The following PTPRN2 variants were observed in gnomAD, a reference collection of about 807,000 sequenced individuals.
PTPRN2 encodes receptor-type tyrosine-protein phosphatase N2.
In PTPRN2, 74 loss-of-function variants were observed where a neutral mutation model predicts 118.8. The observed-to-expected ratio is 0.62, with a 90% CI of 0.52 to 0.76. The LOEUF (loss-of-function observed/expected upper bound fraction) is 0.76, where lower values mean the gene tolerates loss of function less well. PTPRN2 is among the 30% of genes least tolerant of loss of function. The pLI is 0.00. For missense variants in PTPRN2, 1,481 were observed against 1,394.4 expected, an observed-to-expected ratio of 1.06 and a Z score of -0.99; for synonymous variants, 641 against 608.0, an observed-to-expected ratio of 1.05 and a Z score of -0.80.
chr7:157,608,770 C>G (rs1178077493), intron 15 of PTPRN2, among the ~76,000 whole-genome samples: 1 of 152,126 alleles, frequency 6.6e-6, no homozygotes, highest in Non-Finnish European at 1.5e-5. Flanking sequence ...GGCCTGTGCT[C>G]GGGGAACTGA....
At chr7:158,026,873 A>G (rs570998841) in intron 11 of PTPRN2, among the ~76,000 whole-genome samples, 1 of 152,350 alleles carries the variant, frequency 6.6e-6, no homozygotes, top group East Asian at 1.9e-4. Context: ...GCGTGAACAC[A>G]GGACACACAG....
chr7:157,910,885 G>A (rs190051216), intron 11 of PTPRN2, among the ~76,000 whole-genome samples: 14 of 152,338 alleles, frequency 9.2e-5, no homozygotes, highest in Non-Finnish European at 1.5e-5. Flanking sequence ...CCCAATGTTT[G>A]GATGTTTAAT....
In PTPRN2 at chr7:158,103,404, G is replaced by A. The variant is rs574669061; in HGVS notation, c.1643+7425C>T. Reference sequence around the variant, plus strand: ...ATAACAGCAGTAGGAAAAAGAACGCGAAGAGCCCTGCACACAGGTGAGACT... The same window carrying A: ...ATAACAGCAGTAGGAAAAAGAACGCAAAGAGCCCTGCACACAGGTGAGACT... On this transcript the variant is annotated intron_variant, in intron 10 of 22. Coordinates refer to ENST00000389418, the MANE Select transcript of PTPRN2 (RefSeq NM_002847.5). 1.1e-4 allele frequency among the ~76,000 whole-genome samples: 16 copies of A among 152,288 alleles called. No homozygotes were observed. The South Asian group carries it at 1.5e-3, about 14-fold the overall frequency.
chr7:158,133,614 C>T (rs1424363870), intron 9 of PTPRN2, 63 bp downstream of exon 9: 14 of 1,507,258 alleles, frequency 9.3e-6, no homozygotes, highest in Non-Finnish European at 1.2e-5. Flanking sequence ...GGCGCCCCAC[C>T]TCCAGCCTGC....
rs1471184311 is a variant in PTPRN2, at chr7:158,407,501, CGTCCTGG to C, written c.163+82227_163+82233del. Among the ~76,000 whole-genome samples, 18 of 6,298 alleles carry C rather than the reference CGTCCTGG, an allele frequency of 2.9e-3. 8 individuals are homozygous for C. The highest frequency in any genetic ancestry group is 6.3e-3 in the Admixed American group (5 of 788). The allele number at this position is 6,298 out of a possible 152,430, so 4.1% of individuals were successfully genotyped here. ...CCTGGGTCCTGGGTCCTGGGTCCTG[CGTCCTGG>C]GTCCTGCGTCCTGCGTCCTGCGTCC... On this transcript the variant is annotated intron_variant, in intron 2 of 22. Transcript: ENST00000389418.
chr7:158,469,301 G>T (rs903915008), intron 2 of PTPRN2, among the ~76,000 whole-genome samples: 1 of 152,118 alleles, frequency 6.6e-6, no homozygotes, highest in Admixed American at 6.5e-5. Flanking sequence ...ATGAGCCAGT[G>T]GTGGTGGCAG....
At chr7:157,568,839 C>A in intron 21 of PTPRN2, 63 bp downstream of exon 21, 1 of 1,488,174 alleles carries the variant, frequency 6.7e-7, no homozygotes, top group Non-Finnish European at 9.4e-7. Context: ...CGGCACCCTA[C>A]GTTGCCATAG....
chr7:158,387,324 T>C (rs1811477881), intron 2 of PTPRN2, among the ~76,000 whole-genome samples: 2 of 152,076 alleles, frequency 1.3e-5, no homozygotes, highest in Non-Finnish European at 2.9e-5. Flanking sequence ...GCCAAATAGG[T>C]CAGGGAGGGC....
chr7:158,425,144 G>A (rs1162586219), intron 2 of PTPRN2, among the ~76,000 whole-genome samples: 1 of 152,280 alleles, frequency 6.6e-6, no homozygotes, highest in African/African-American at 2.4e-5. Context: ...TCCTGCTGAT[G>A]CACTGCCAGG....
chr7:157,641,207 G>A (rs1804642663), intron 14 of PTPRN2, among the ~76,000 whole-genome samples: 1 of 152,150 alleles, frequency 6.6e-6, no homozygotes, highest in Non-Finnish European at 1.5e-5. Flanking sequence ...AAAAGTATCA[G>A]GATAATTACT....
At chr7:157,638,952 A>T (rs1206484827) in intron 14 of PTPRN2, among the ~76,000 whole-genome samples, 1 of 152,070 alleles carries the variant, frequency 6.6e-6, no homozygotes, top group African/African-American at 2.4e-5. Flanking sequence ...CAGAAAGGTG[A>T]GTGTGGAAAC....
At chr7:157,545,147 G>A (rs1251872466) in intron 22 of PTPRN2, among the ~76,000 whole-genome samples, 1 of 151,144 alleles carries the variant, frequency 6.6e-6, no homozygotes, top group African/African-American at 2.4e-5. Context: ...GTGTGCAGGT[G>A]TGTGGGTGTG....
intron 12 of PTPRN2, among the ~76,000 whole-genome samples, chr7:157,691,067 TC>T (rs1279163589): frequency 0.22 from 9,662 of 44,416 alleles, 860 homozygotes; most frequent in East Asian, 0.49. Context: ...TATAGCGATG[TC>T]CCCCCCCCCC....
intron 6 of PTPRN2, among the ~76,000 whole-genome samples, chr7:158,146,707 C>A (rs184314080): frequency 2.9e-5 from 4 of 137,056 alleles, no homozygotes; most frequent in South Asian, 4.5e-4. Context: ...GGCGACAGAG[C>A]GAGACTCTGC....
intron 12 of PTPRN2, among the ~76,000 whole-genome samples, chr7:157,820,436 A>C (rs1806753258): frequency 6.6e-6 from 1 of 151,872 alleles, no homozygotes; most frequent in South Asian, 2.1e-4. Context: ...ACACACCTGC[A>C]CACAGCAGAT....
intron 11 of PTPRN2, among the ~76,000 whole-genome samples, chr7:158,017,327 C>T (rs983482563): frequency 2.0e-5 from 3 of 152,102 alleles, no homozygotes; most frequent in African/African-American, 7.2e-5. Flanking sequence ...CCCAGGGAGT[C>T]CAGTGCTCCT....
intron 11 of PTPRN2, among the ~76,000 whole-genome samples, chr7:157,991,894 A>C (rs1357109951): frequency 6.6e-6 from 1 of 152,226 alleles, no homozygotes; most frequent in Non-Finnish European, 1.5e-5. Context: ...CCCGGGGCTC[A>C]AAAAAGGCTC....
chr7:157,710,647 C>T lies in PTPRN2; in HGVS notation c.1789-27710G>A, dbSNP rs537553390. 2.3e-3 allele frequency among the ~76,000 whole-genome samples: 351 copies of T among 152,226 alleles called. 1 individual carries two copies. Among genetic ancestry groups the T allele is most frequent in the South Asian group, 5.6e-3 (27 of 4,824 alleles). On this transcript the variant is annotated intron_variant, in intron 12 of 22. Transcript: ENST00000389418. ...ATGTCCCCTGGGGGGACATCTCTTC[C>T]GGAGGATCTTTAGGGTCCCTTTCAG...
chr7:157,957,913 G>T (rs549238924), intron 11 of PTPRN2, among the ~76,000 whole-genome samples: 1 of 152,154 alleles, frequency 6.6e-6, no homozygotes, highest in East Asian at 1.9e-4. Context: ...ACTCTGACAC[G>T]AAAGCCAGAC....
Sources: allele counts gnomAD v4.1 joint callset (sites outside exome capture counted in the v4.1 genomes callset), GRCh38; gene constraint gnomAD v4.1.1; transcripts MANE v1.5; gene names NCBI Gene and HGNC (gene_info 2026-07-23, HGNC 2026-07-21).